ZNF487: variants seen among roughly 807,000 people sequenced by gnomAD.
The protein encoded by ZNF487 is zinc finger protein 487.
Under a neutral mutation model 3.0 loss-of-function variants are expected in ZNF487, and 4 were observed. That is an observed-to-expected ratio of 1.35 (90% CI 0.66 to 3.08). The LOEUF (loss-of-function observed/expected upper bound fraction) is 3.08. Among genes scored for constraint, ZNF487 ranks in the 30% most tolerant of loss-of-function variants. The pLI is 0.01. For missense variants in ZNF487, 146 were observed against 98.7 expected, an observed-to-expected ratio of 1.48 and a Z score of -2.03; for synonymous variants, 55 against 34.6, an observed-to-expected ratio of 1.59 and a Z score of -2.06.
chr10:43,451,390 T>C (rs1438696433), intron 1 of ZNF487, among the ~76,000 whole-genome samples: 109 of 130,406 alleles, frequency 8.4e-4, no homozygotes, highest in Middle Eastern at 0.011. Flanking sequence ...GGATTACAGG[T>C]GTGCGCCACC....
chr10:43,448,926 A>G (rs957711923), intron 1 of ZNF487, among the ~76,000 whole-genome samples: 1 of 149,650 alleles, frequency 6.7e-6, no homozygotes, highest in Non-Finnish European at 1.5e-5. Flanking sequence ...AGCAGGAGAT[A>G]GAGGCTGTGG....
In ZNF487 at chr10:43,482,654, G is replaced by C; in HGVS notation, c.*732G>C. The C allele has an allele frequency of 4.1e-6, 2 of 492,150 alleles. No individual in the cohort carries two copies. The allele number at this position is 492,150 out of a possible 1,614,324, so 30.5% of individuals were successfully genotyped here. On this transcript the variant is annotated 3_prime_UTR_variant, in exon 4 of 4. Transcript: ENST00000437590. ...TACATCAGAGAATACATACTGGCGA[G>C]AAACCCTATGAGTGTAAGGAATGTG...
chr10:43,510,403 T>C, the ZNF487 span, among the ~76,000 whole-genome samples: 1 of 152,214 alleles, frequency 6.6e-6, no homozygotes, highest in East Asian at 1.9e-4. Flanking sequence ...TTGATCTAAT[T>C]ACAGCACATG....
intron 1 of ZNF487, among the ~76,000 whole-genome samples, chr10:43,455,619 G>C (rs1589030618): frequency 6.6e-6 from 1 of 152,164 alleles, no homozygotes; most frequent in Admixed American, 6.5e-5. Flanking sequence ...GGCCCCTCTA[G>C]GTCCGTGGCG....
the ZNF487 span, among the ~76,000 whole-genome samples, chr10:43,512,520 C>T: frequency 6.6e-6 from 1 of 152,090 alleles, no homozygotes; most frequent in Non-Finnish European, 1.5e-5. Context: ...AGTAATAGGC[C>T]AAGAACTGTC....
At chr10:43,467,514 T>C (rs1193251363) in intron 1 of ZNF487, among the ~76,000 whole-genome samples, 1 of 152,024 alleles carries the variant, frequency 6.6e-6, no homozygotes, top group Non-Finnish European at 1.5e-5. Context: ...TCAACTTTTA[T>C]TGTTTAAGAA....
chr10:43,493,424 A>G, the ZNF487 span, among the ~76,000 whole-genome samples: 11 of 150,852 alleles, frequency 7.3e-5, no homozygotes. Context: ...ACCTGGCGTG[A>G]TGGCTCACAC....
intron 1 of ZNF487, among the ~76,000 whole-genome samples, chr10:43,438,889 T>C (rs1006689381): frequency 6.6e-6 from 1 of 151,936 alleles, no homozygotes; most frequent in Non-Finnish European, 1.5e-5. Flanking sequence ...CAGACCAGCC[T>C]GAGCAACATA....
At chr10:43,463,714 T>TTC (rs150950731) in intron 1 of ZNF487, among the ~76,000 whole-genome samples, 1,057 of 6,334 alleles carry the variant, frequency 0.17, 4 homozygotes, top group African/African-American at 0.31. Flanking sequence ...CTTTCTTTCT[T>TTC]TTTTTTTTTT....
chr10:43,495,546 A>G, the ZNF487 span, among the ~76,000 whole-genome samples: 79 of 152,126 alleles, frequency 5.2e-4, no homozygotes, highest in Non-Finnish European at 1.0e-4. Context: ...ACCCAGCCCC[A>G]TGATACATTA....
the ZNF487 span, among the ~76,000 whole-genome samples, chr10:43,516,119 T>C: frequency 6.6e-6 from 1 of 152,272 alleles, no homozygotes; most frequent in East Asian, 1.9e-4. Context: ...CCACTGAATG[T>C]AGGAGCAACC....
the ZNF487 span, among the ~76,000 whole-genome samples, chr10:43,518,470 G>T: frequency 2.0e-5 from 3 of 152,088 alleles, no homozygotes; most frequent in Admixed American, 1.3e-4. Flanking sequence ...CATAAAGGGG[G>T]ACACCTCTAA....
intron 3 of ZNF487, among the ~76,000 whole-genome samples, chr10:43,481,085 G>GTGATGCTGCA (rs1175452453): frequency 2.6e-5 from 4 of 152,020 alleles, no homozygotes; most frequent in Non-Finnish European, 5.9e-5. Flanking sequence ...GCAGTGAGCT[G>GTGATGCTGCA]TGATGCTGCC....
chr10:43,520,523 C>A, the ZNF487 span, among the ~76,000 whole-genome samples: 2 of 152,084 alleles, frequency 1.3e-5, no homozygotes, highest in Admixed American at 1.3e-4. Flanking sequence ...TAAAAGAAAT[C>A]GGAGATAGAG....
the ZNF487 span, among the ~76,000 whole-genome samples, chr10:43,515,784 CTCT>C: frequency 6.6e-6 from 1 of 152,208 alleles, no homozygotes; most frequent in Non-Finnish European, 1.5e-5. Flanking sequence ...AGTTCATTTT[CTCT>C]TTTTTTTTGA....
chr10:43,496,082 A>C, the ZNF487 span: 2 of 534,388 alleles, frequency 3.7e-6, no homozygotes, highest in Admixed American at 3.9e-5. Flanking sequence ...TCTGGGCCCT[A>C]TTGAGAGGAC....
the ZNF487 span, among the ~76,000 whole-genome samples, chr10:43,507,535 T>G: frequency 1.3e-5 from 2 of 152,114 alleles, no homozygotes; most frequent in African/African-American, 4.8e-5. Flanking sequence ...GAGGAGCTGA[T>G]GAAAAAATAG....
the ZNF487 span, among the ~76,000 whole-genome samples, chr10:43,498,854 A>C: frequency 6.6e-6 from 1 of 151,640 alleles, no homozygotes; most frequent in African/African-American, 2.4e-5. Flanking sequence ...AGGCAGGAGA[A>C]TGGCGTGAAC....
intron 1 of ZNF487, chr10:43,452,233 G>C (rs1471105601): frequency 6.6e-6 from 1 of 152,024 alleles, no homozygotes; most frequent in Non-Finnish European, 1.5e-5. Flanking sequence ...CTCCCCTTCT[G>C]TCCCACACCT....
Sources: gnomAD v4.1 joint callset for allele counts (sites outside exome capture counted in the v4.1 genomes callset) on GRCh38, gnomAD v4.1.1 for gene constraint, MANE v1.5 for transcripts, NCBI Gene and HGNC (gene_info 2026-07-23, HGNC 2026-07-21) for gene names.